The following CWC27 variants were observed in gnomAD, a reference collection of about 807,000 sequenced individuals.
The protein encoded by CWC27 is spliceosome-associated protein CWC27 homolog.
A neutral mutation model predicts 63.6 loss-of-function variants in CWC27; 47 were observed. The ratio of observed to expected loss-of-function variants is 0.74; its 90% CI spans 0.58 to 0.94. The LOEUF (loss-of-function observed/expected upper bound fraction) is 0.94. Among genes scored for constraint, CWC27 ranks in the 40% least tolerant of loss-of-function variants. The pLI is 0.00. For missense variants in CWC27, 495 were observed against 554.3 expected (o/e 0.89, Z 1.07); for synonymous variants, 175 against 179.8 (o/e 0.97, Z 0.22).
intron 10 of CWC27, among the ~76,000 whole-genome samples, chr5:64,875,199 T>C (rs1215115811): frequency 6.6e-6 from 1 of 152,106 alleles, no homozygotes. Flanking sequence ...AGATTAGGGG[T>C]CATCTACATT....
intron 10 of CWC27, among the ~76,000 whole-genome samples, chr5:64,843,636 T>C (rs1294724569): frequency 2.6e-5 from 4 of 152,166 alleles, no homozygotes; most frequent in Non-Finnish European, 4.4e-5. Context: ...GGAAGAATTA[T>C]AACAGAAGAG....
intron 11 of CWC27, among the ~76,000 whole-genome samples, chr5:64,970,359 C>T (rs1016884994): frequency 6.6e-6 from 1 of 151,866 alleles, no homozygotes; most frequent in East Asian, 1.9e-4. Flanking sequence ...ACTACAGGCG[C>T]CCGCCACCAC....
At chr5:64,965,587 C>T (rs1363386616) in intron 11 of CWC27, among the ~76,000 whole-genome samples, 6 of 152,158 alleles carry the variant, frequency 3.9e-5, no homozygotes, top group African/African-American at 1.4e-4. Flanking sequence ...ACAAGAGTTA[C>T]CTTACTTATT....
chr5:64,992,695 C>T (rs113107596), intron 13 of CWC27, among the ~76,000 whole-genome samples: 1 of 110,614 alleles, frequency 9.0e-6, no homozygotes, highest in Admixed American at 1.0e-4. Context: ...CCACGCCTGG[C>T]TAATTTTTTT....
intron 11 of CWC27, among the ~76,000 whole-genome samples, chr5:64,946,698 T>A (rs1024070251): frequency 1.3e-5 from 2 of 150,902 alleles, no homozygotes; most frequent in Admixed American, 1.3e-4. Context: ...CCGTATTAGC[T>A]TTTCCAGTTA....
At chr5:64,958,019 C>T (rs902306115) in intron 11 of CWC27, among the ~76,000 whole-genome samples, 5 of 151,950 alleles carry the variant, frequency 3.3e-5, no homozygotes, top group South Asian at 2.1e-4. Flanking sequence ...GAATTATAAA[C>T]TCAACAAAGC....
intron 10 of CWC27, chr5:64,804,647 T>C (rs1289166565): frequency 9.9e-6 from 3 of 303,864 alleles, no homozygotes; most frequent in Non-Finnish European, 1.2e-5. Flanking sequence ...TACTTTCATA[T>C]ATATAGGGTA....
At chr5:64,995,557 C>T (rs898057416) in intron 13 of CWC27, among the ~76,000 whole-genome samples, 8 of 152,070 alleles carry the variant, frequency 5.3e-5, no homozygotes, top group African/African-American at 1.9e-4. Context: ...TATATTAGGT[C>T]ATTGTTATCA....
Position 64,880,853 on chromosome 5 carries a change from C to CTTTTTTTTTTTTTT in CWC27, c.939-4590_939-4589insTTTTTTTTTTTTTT, listed in dbSNP as rs571051416. ...AGAGTTAGTAACAGTTTATAAAAGCCATTTTTTTTTTTTTTTTTTTTACCA... is the reference window on the plus strand; with the variant it reads ...AGAGTTAGTAACAGTTTATAAAAGCCTTTTTTTTTTTTTTATTTTTTTTTTTTTTTTTTTTACCA... On this transcript the variant is annotated intron_variant, in intron 10 of 13. Transcript: ENST00000381070. Among the ~76,000 whole-genome samples the CTTTTTTTTTTTTTT allele has an allele frequency of 5.9e-5, 8 of 136,078 alleles. 2 individuals carry two copies. Among genetic ancestry groups the CTTTTTTTTTTTTTT allele is most frequent in the African/African-American group, 8.3e-5 (3 of 36,108 alleles). The allele number at this position is 136,078 out of a possible 152,430, so 89.3% of individuals were successfully genotyped here. A position where few individuals can be genotyped will look rare whatever the true frequency, so the allele number is the denominator to read the frequency against.
chr5:64,918,250 G>C (rs1747930355), intron 11 of CWC27, among the ~76,000 whole-genome samples: 1 of 152,194 alleles, frequency 6.6e-6, no homozygotes, highest in South Asian at 2.1e-4. Context: ...TCAGAGAGTA[G>C]AATTGTGGTT....
Position 64,893,306 on chromosome 5 carries a change from AT to A in CWC27, c.1042+7762del, listed in dbSNP as rs1257015047. ...TGCCAAAAATGACATCAAACATATAATTCATTCGAGTGCTGAGTTTCTTCAA... is the reference window on the plus strand; with the variant it reads ...TGCCAAAAATGACATCAAACATATAATCATTCGAGTGCTGAGTTTCTTCAA... On this transcript the variant is annotated intron_variant, in intron 11 of 13. Coordinates refer to ENST00000381070, the MANE Select transcript of CWC27 (RefSeq NM_005869.4). Among the ~76,000 whole-genome samples, 3 of 152,374 alleles carry A rather than the reference AT, an allele frequency of 2.0e-5. No individual in the cohort carries two copies. In the East Asian group the frequency reaches 5.8e-4, roughly 29 times the overall value.
intron 11 of CWC27, among the ~76,000 whole-genome samples, chr5:64,916,166 A>C (rs1747884426): frequency 6.6e-6 from 1 of 152,234 alleles, no homozygotes; most frequent in African/African-American, 2.4e-5. Flanking sequence ...TTTATAGACT[A>C]ATTTTACAAG....
intron 11 of CWC27, among the ~76,000 whole-genome samples, chr5:64,903,539 A>C (rs919498664): frequency 6.8e-6 from 1 of 146,356 alleles, no homozygotes; most frequent in Non-Finnish European, 1.5e-5. Flanking sequence ...GATCGGGGCA[A>C]GGGGAGGGAG....
intron 2 of CWC27, among the ~76,000 whole-genome samples, chr5:64,781,275 G>C (rs1438973673): frequency 6.6e-6 from 1 of 152,096 alleles, no homozygotes; most frequent in African/African-American, 2.4e-5. Context: ...ACTCAAGTAT[G>C]TATTGTGTTA....
At chr5:64,826,380 T>C (rs1745359409) in intron 10 of CWC27, among the ~76,000 whole-genome samples, 1 of 152,212 alleles carries the variant, frequency 6.6e-6, no homozygotes, top group Admixed American at 6.5e-5. Context: ...TTCAGTTATT[T>C]GACATTTATT....
At chr5:64,970,027 A>G (rs1749088406) in intron 11 of CWC27, among the ~76,000 whole-genome samples, 1 of 152,178 alleles carries the variant, frequency 6.6e-6, no homozygotes, top group South Asian at 2.1e-4. Context: ...GAAGGTGGAT[A>G]CGGCAAAGGA....
At chr5:64,887,092 A>G (rs1267349455) in intron 11 of CWC27, among the ~76,000 whole-genome samples, 1 of 152,162 alleles carries the variant, frequency 6.6e-6, no homozygotes, top group East Asian at 1.9e-4. Flanking sequence ...AATAATTATT[A>G]GTACCCTCAT....
At chr5:64,775,983 C>T (rs1291986121) in intron 2 of CWC27, among the ~76,000 whole-genome samples, 2 of 150,896 alleles carry the variant, frequency 1.3e-5, no homozygotes, top group African/African-American at 4.9e-5. Flanking sequence ...TCTAAATAGA[C>T]GTAATTATCA....
chr5:65,010,196 G>C (rs905841635), intron 13 of CWC27, among the ~76,000 whole-genome samples: 5 of 152,070 alleles, frequency 3.3e-5, no homozygotes, highest in African/African-American at 1.2e-4. Context: ...AATTAAACTG[G>C]GCTTTGAAAA....
Sources: allele counts gnomAD v4.1 joint callset (sites outside exome capture counted in the v4.1 genomes callset), GRCh38; gene constraint gnomAD v4.1.1; transcripts MANE v1.5; gene names NCBI Gene and HGNC (gene_info 2026-07-23, HGNC 2026-07-21).